Variants in SLC39A9 observed in about 807,000 individuals in gnomAD.
The protein encoded by SLC39A9 is zinc transporter ZIP9.
In SLC39A9, 14 loss-of-function variants were observed where a neutral mutation model predicts 28.4. The ratio of observed to expected loss-of-function variants is 0.49; its 90% CI spans 0.33 to 0.77. SLC39A9 has a LOEUF of 0.77. Among genes scored for constraint, SLC39A9 ranks in the 30% least tolerant of loss-of-function variants. SLC39A9 has a pLI of 0.02. For synonymous variants in SLC39A9, 119 were observed against 149.6 expected, an observed-to-expected ratio of 0.80 and a Z score of 1.49; for missense variants, 283 against 381.1, an observed-to-expected ratio of 0.74 and a Z score of 2.14.
chr14:69,438,917 T>C (rs12589533), intron 2 of SLC39A9, among the ~76,000 whole-genome samples: 6,115 of 152,226 alleles, frequency 0.04, 159 homozygotes, highest in East Asian at 0.083. Flanking sequence ...AAATAAAATA[T>C]AGGGGGCCCT....
intron 1 of SLC39A9, 27 bp from the exon 2 acceptor site, chr14:69,424,067 C>T: frequency 1.3e-6 from 2 of 1,565,918 alleles, no homozygotes; most frequent in Non-Finnish European, 1.8e-6. Context: ...TCAAAGTTTG[C>T]AATTATTTCT....
intron 1 of SLC39A9, among the ~76,000 whole-genome samples, chr14:69,401,648 G>T (rs1594895010): frequency 2.6e-5 from 4 of 152,078 alleles, no homozygotes; most frequent in Non-Finnish European, 5.9e-5. Context: ...TACAGGAGTG[G>T]TGTTAATAAC....
At chr14:69,424,579 C>G (rs1368591242) in intron 2 of SLC39A9, among the ~76,000 whole-genome samples, 1 of 151,792 alleles carries the variant, frequency 6.6e-6, no homozygotes, top group African/African-American at 2.4e-5. Context: ...TTACAGTAAA[C>G]TTTATAGATA....
intron 1 of SLC39A9, among the ~76,000 whole-genome samples, chr14:69,415,268 C>G (rs78653191): frequency 6.6e-6 from 1 of 152,146 alleles, no homozygotes; most frequent in Non-Finnish European, 1.5e-5. Context: ...TTTCCAGTTG[C>G]TCTATATCTT....
rs1401343436 is a variant in SLC39A9, at chr14:69,453,322, T to C, written c.472+13T>C. 1 of 1,613,188 alleles carries C rather than the reference T, an allele frequency of 6.2e-7. No individual in the cohort carries two copies. The highest frequency in any genetic ancestry group is 8.5e-7 in the Non-Finnish European group (1 of 1,179,290). On this transcript the variant is annotated intron_variant, in intron 4 of 6. Transcript: ENST00000336643. ...GTCCATGCTGCAGGTAGGGTTGGAT[T>C]GCAGTGGAACTTCTTTGTTTTCTAT... is the stretch of plus-strand genomic sequence containing the variant.
At chr14:69,423,073 G>A (rs1210156153) in intron 1 of SLC39A9, among the ~76,000 whole-genome samples, 1 of 151,944 alleles carries the variant, frequency 6.6e-6, no homozygotes, top group African/African-American at 2.4e-5. Flanking sequence ...TTTATTGTAG[G>A]TAAATTATAA....
chr14:69,458,107 C>G (rs553012574), intron 6 of SLC39A9, among the ~76,000 whole-genome samples: 6 of 151,852 alleles, frequency 4.0e-5, no homozygotes, highest in Admixed American at 2.6e-4. Flanking sequence ...CACTTTATAC[C>G]CTATAAATAT....
At chr14:69,446,896 GAAA>G (rs75698508) in intron 3 of SLC39A9, among the ~76,000 whole-genome samples, 1 of 110,350 alleles carries the variant, frequency 9.1e-6, no homozygotes, top group Non-Finnish European at 1.9e-5. Context: ...AAAAGAAAAA[GAAA>G]AAAAAATGGG....
intron 1 of SLC39A9, among the ~76,000 whole-genome samples, chr14:69,422,456 AGTGATTATAGCAGAT>A (rs1163942390): frequency 6.6e-6 from 1 of 152,054 alleles, no homozygotes; most frequent in African/African-American, 2.4e-5. Context: ...GTGGGAGTGC[AGTGATTATAGCAGAT>A]GTGATTATAG....
Position 69,460,665 on chromosome 14 carries a change from C to G in SLC39A9, c.*2072C>G, listed in dbSNP as rs1474424835. 1.0e-6 allele frequency: 1 copy of G among 985,292 alleles called. No individual in the cohort carries two copies. The highest frequency in any genetic ancestry group is 1.7e-5 in the African/African-American group (1 of 57,232). The allele number at this position is 985,292 out of a possible 1,614,324, so 61.0% of individuals were successfully genotyped here. A position where few individuals can be genotyped will look rare whatever the true frequency, so the allele number is the denominator to read the frequency against. ...CTTGCCATCATGCTTAAAAGTTTGG[C>G]TAGTATATCTTGCTGGATGGAGCCT... On this transcript the variant is annotated 3_prime_UTR_variant, in exon 7 of 7. Transcript: ENST00000336643.
rs140735528 is a variant in SLC39A9, at chr14:69,439,681, G to C, written c.206-2388G>C. On this transcript the variant is annotated intron_variant, in intron 2 of 6. Transcript: ENST00000336643. ...GTGTTTGGGTCATGAGGGTGGATCCGTCATGCACATATTGGTGCTATCCCC... is the reference window on the plus strand; with the variant it reads ...GTGTTTGGGTCATGAGGGTGGATCCCTCATGCACATATTGGTGCTATCCCC... Among the ~76,000 whole-genome samples the C allele has an allele frequency of 2.9e-3, 446 of 152,240 alleles. 3 individuals carry two copies. Among genetic ancestry groups the C allele is most frequent in the African/African-American group, 0.01 (434 of 41,538 alleles).
intron 1 of SLC39A9, among the ~76,000 whole-genome samples, chr14:69,422,751 AT>A (rs1359666919): frequency 1.6e-4 from 25 of 152,136 alleles, no homozygotes; most frequent in Admixed American, 7.2e-4. Context: ...CACCCAGCTA[AT>A]TTTTGTATTT....
At chr14:69,426,669 G>GGA (rs1427969676) in intron 2 of SLC39A9, among the ~76,000 whole-genome samples, 2 of 152,158 alleles carry the variant, frequency 1.3e-5, no homozygotes, top group Admixed American at 1.3e-4. Context: ...CCCTCTCATG[G>GGA]GAGCTTAAGA....
intron 2 of SLC39A9, among the ~76,000 whole-genome samples, chr14:69,435,494 G>T (rs539021886): frequency 8.5e-5 from 13 of 152,086 alleles, no homozygotes; most frequent in African/African-American, 2.7e-4. Context: ...TTAAACTCTA[G>T]TTTGACAACC....
Position 69,458,652 on chromosome 14 carries a change from C to T in SLC39A9, c.*59C>T, listed in dbSNP as rs2232062. 4,094 of 1,500,258 alleles carry T rather than the reference C, an allele frequency of 2.7e-3. 73 individuals are homozygous for T. In the African/African-American group the frequency reaches 0.04, roughly 15 times the overall value. 92.9% of individuals were successfully genotyped at this position (1,500,258 alleles called of 1,614,324 possible). ...TGCCATCCAGTGAGAACAGCCGGCACGTGACAGCTACTCACTTCCTCAGTC... is the reference window on the plus strand; with the variant it reads ...TGCCATCCAGTGAGAACAGCCGGCATGTGACAGCTACTCACTTCCTCAGTC... On this transcript the variant is annotated 3_prime_UTR_variant, in exon 7 of 7. Transcript: ENST00000336643.
chr14:69,409,527 A>G (rs1883132725), intron 1 of SLC39A9, among the ~76,000 whole-genome samples: 1 of 152,082 alleles, frequency 6.6e-6, no homozygotes, highest in African/African-American at 2.4e-5. Flanking sequence ...TTTAGAGGCA[A>G]GGTCTCACTA....
rs568054137 is a variant in SLC39A9 at position 69,399,415 on chromosome 14, G to C, written c.46G>C (p.Val16Leu). Residue 16 changes from valine to leucine, a missense_variant, in exon 1 of 7, where the codon GTG becomes CTG. Val to Leu is a conservative substitution (Grantham distance 32). Coordinates refer to ENST00000336643, the MANE Select transcript of SLC39A9 (RefSeq NM_018375.5). Reference sequence around the variant, plus strand: ...TAGCCTGCTGTCTCTGGCTATGTTGGTGGGATGTTACGTGGCCGGAATCAT... The same window carrying C: ...TAGCCTGCTGTCTCTGGCTATGTTGCTGGGATGTTACGTGGCCGGAATCAT... ...SISLLSLAML[V>L]GCYVAGIIPL... 3 of 1,614,152 alleles carry C rather than the reference G, an allele frequency of 1.9e-6. No individual in the cohort carries two copies. Among genetic ancestry groups the C allele is most frequent in the Non-Finnish European group, 2.5e-6 (3 of 1,180,028 alleles).
At position 69,460,872 on chromosome 14, in the gene SLC39A9, T is replaced by C. The variant is rs1886084152; in HGVS notation, c.*2279T>C. On this transcript the variant is annotated 3_prime_UTR_variant, in exon 7 of 7. Coordinates refer to ENST00000336643, the MANE Select transcript of SLC39A9 (RefSeq NM_018375.5). ...TTCTCTCCTGGTCAGCAGACAGAAA[T>C]AGCCATACTAATCTCATAGGGCTCA... 2 of 985,304 alleles carry C rather than the reference T, an allele frequency of 2.0e-6. No individual in the cohort carries two copies. The highest frequency in any genetic ancestry group is 6.2e-5 in the Admixed American group (1 of 16,258). 61.0% of individuals were successfully genotyped at this position (985,304 alleles called of 1,614,324 possible). A position where few individuals can be genotyped will look rare whatever the true frequency, so the allele number is the denominator to read the frequency against.
intron 3 of SLC39A9, among the ~76,000 whole-genome samples, chr14:69,450,139 A>G (rs993165686): frequency 6.6e-6 from 1 of 152,110 alleles, no homozygotes; most frequent in African/African-American, 2.4e-5. Context: ...CAGTGAGCCA[A>G]GATCACGCCA....
Sources: gnomAD v4.1 joint callset for allele counts (sites outside exome capture counted in the v4.1 genomes callset) on GRCh38, gnomAD v4.1.1 for gene constraint, MANE v1.5 for transcripts, NCBI Gene and HGNC (gene_info 2026-07-23, HGNC 2026-07-21) for gene names.